Variants in DNM3 observed in about 807,000 individuals in gnomAD.
The protein encoded by DNM3 is dynamin-3.
A neutral mutation model predicts 101.6 loss-of-function variants in DNM3; 47 were observed. The ratio of observed to expected loss-of-function variants is 0.46; its 90% CI spans 0.37 to 0.59. DNM3 has a LOEUF of 0.59. DNM3 is among the 20% of genes least tolerant of loss of function. DNM3 has a pLI of 0.00. For missense variants in DNM3, 849 were observed against 1,085.7 expected (o/e 0.78, Z 3.06); for synonymous variants, 385 against 387.9 (o/e 0.99, Z 0.09).
intron 4 of DNM3, among the ~76,000 whole-genome samples, chr1:172,009,608 C>T (rs1025323563): frequency 1.3e-5 from 2 of 151,774 alleles, no homozygotes; most frequent in Non-Finnish European, 1.5e-5. Context: ...AAAGTCAATA[C>T]AGTACATTTC....
intron 16 of DNM3, among the ~76,000 whole-genome samples, chr1:172,316,925 A>G (rs1191421986): frequency 6.6e-6 from 1 of 152,232 alleles, no homozygotes; most frequent in Non-Finnish European, 1.5e-5. Context: ...CCCCAAATCA[A>G]TAGAATATAC....
chr1:172,140,479 C>A (rs2057512522), intron 14 of DNM3: 1 of 151,798 alleles, frequency 6.6e-6, no homozygotes, highest in Non-Finnish European at 1.5e-5. Context: ...GATTCACTTA[C>A]AAAGAGTATA....
At position 172,213,685 on chromosome 1, in the gene DNM3, G is replaced by A. The variant is rs528792651; in HGVS notation, c.1660-39888G>A. Among the ~76,000 whole-genome samples, 6 of 151,650 alleles carry A rather than the reference G, an allele frequency of 4.0e-5. 1 individual carries two copies. In the South Asian group the frequency reaches 1.0e-3, roughly 26 times the overall value. On this transcript the variant is annotated intron_variant, in intron 14 of 20. Transcript: ENST00000627582. Reference sequence around the variant, plus strand: ...TCTACTGAAAAAGCAAAAAATTAGCGAGGCATGGTGGCAGGTGGCTGTAAT... The same window carrying A: ...TCTACTGAAAAAGCAAAAAATTAGCAAGGCATGGTGGCAGGTGGCTGTAAT...
chr1:172,364,342 A>C (rs373759078), intron 17 of DNM3, among the ~76,000 whole-genome samples: 2 of 151,974 alleles, frequency 1.3e-5, no homozygotes, highest in African/African-American at 4.8e-5. Context: ...TCTAGTCTGC[A>C]TGTCAGTTTT....
At chr1:172,022,574 A>G (rs1230139948) in intron 4 of DNM3, among the ~76,000 whole-genome samples, 1 of 152,108 alleles carries the variant, frequency 6.6e-6, no homozygotes, top group Non-Finnish European at 1.5e-5. Flanking sequence ...AAATATATAT[A>G]GCTTTCTTAA....
chr1:172,239,207 T>C (rs1246086132), intron 14 of DNM3, among the ~76,000 whole-genome samples: 1 of 152,198 alleles, frequency 6.6e-6, no homozygotes, highest in Non-Finnish European at 1.5e-5. Flanking sequence ...TGGTTTGCTA[T>C]TGTTCATGTT....
At chr1:172,275,912 G>T (rs574754479) in intron 15 of DNM3, among the ~76,000 whole-genome samples, 1 of 152,252 alleles carries the variant, frequency 6.6e-6, no homozygotes, top group Admixed American at 6.6e-5. Flanking sequence ...TGAAGGACTC[G>T]CATTCTGCGT....
chr1:172,391,817 G>T (rs1431787931), intron 20 of DNM3, among the ~76,000 whole-genome samples: 1 of 152,034 alleles, frequency 6.6e-6, no homozygotes, highest in African/African-American at 2.4e-5. Context: ...TGTCCCGCCA[G>T]CTCCCTGTTG....
At chr1:172,189,581 C>T (rs2148429256) in intron 14 of DNM3, among the ~76,000 whole-genome samples, 1 of 152,066 alleles carries the variant, frequency 6.6e-6, no homozygotes, top group East Asian at 1.9e-4. Context: ...TTAGTAGAAG[C>T]ATATCTAAGT....
intron 20 of DNM3, among the ~76,000 whole-genome samples, chr1:172,405,622 T>C (rs1450139931): frequency 2.6e-5 from 4 of 152,068 alleles, no homozygotes; most frequent in African/African-American, 9.7e-5. Context: ...AACTTTTTAT[T>C]TAATGAAATC....
At chr1:172,079,237 C>T (rs1244503575) in intron 11 of DNM3, among the ~76,000 whole-genome samples, 2 of 152,146 alleles carry the variant, frequency 1.3e-5, no homozygotes, top group African/African-American at 4.8e-5. Flanking sequence ...CCATTCTCCC[C>T]GTCACTTTCA....
chr1:172,014,006 C>T (rs1426578029), intron 4 of DNM3, among the ~76,000 whole-genome samples: 1 of 152,092 alleles, frequency 6.6e-6, no homozygotes, highest in Non-Finnish European at 1.5e-5. Flanking sequence ...CCGTGTGCAA[C>T]CTCCCCTACT....
chr1:171,909,795 C>G (rs1049466921), intron 1 of DNM3, among the ~76,000 whole-genome samples: 1 of 152,140 alleles, frequency 6.6e-6, no homozygotes, highest in Non-Finnish European at 1.5e-5. Flanking sequence ...ATTAGAGATG[C>G]GTCAGTGGAA....
intron 17 of DNM3, among the ~76,000 whole-genome samples, chr1:172,349,317 T>C (rs2067094549): frequency 6.6e-6 from 1 of 152,174 alleles, no homozygotes; most frequent in African/African-American, 2.4e-5. Flanking sequence ...TTTTGAGGAT[T>C]CTCGAAATGA....
chr1:172,345,377 C>T (rs1239207905), intron 17 of DNM3, among the ~76,000 whole-genome samples: 1 of 152,174 alleles, frequency 6.6e-6, no homozygotes, highest in African/African-American at 2.4e-5. Flanking sequence ...TGTTGGAAGA[C>T]AAAACAGTTC....
chr1:172,305,136 C>A (rs1405530824), intron 15 of DNM3, among the ~76,000 whole-genome samples: 1 of 151,900 alleles, frequency 6.6e-6, no homozygotes, highest in Non-Finnish European at 1.5e-5. Flanking sequence ...AGACCACTAG[C>A]AAGACTAATA....
chr1:172,391,306 C>T (rs917511557), intron 20 of DNM3, among the ~76,000 whole-genome samples: 6 of 151,704 alleles, frequency 4.0e-5, no homozygotes, highest in African/African-American at 1.5e-4. Flanking sequence ...GCTGGTTCAG[C>T]GCTTTGGGAG....
At chr1:172,385,272 C>G (rs1165380829) in intron 18 of DNM3, among the ~76,000 whole-genome samples, 1 of 152,192 alleles carries the variant, frequency 6.6e-6, no homozygotes, top group Non-Finnish European at 1.5e-5. Flanking sequence ...CTTGCAAAGT[C>G]TTTTTCAATG....
intron 10 of DNM3, among the ~76,000 whole-genome samples, chr1:172,065,518 C>A (rs1204187512): frequency 3.3e-5 from 5 of 152,124 alleles, no homozygotes; most frequent in East Asian, 1.9e-4. Flanking sequence ...TTATAAGCCT[C>A]ACAAAAAATA....
Sources: allele counts gnomAD v4.1 joint callset (sites outside exome capture counted in the v4.1 genomes callset), GRCh38; gene constraint gnomAD v4.1.1; transcripts MANE v1.5; gene names NCBI Gene and HGNC (gene_info 2026-07-23, HGNC 2026-07-21).